The following XKR9 variants were observed in gnomAD, a reference collection of about 807,000 sequenced individuals.
XKR9 encodes the protein XK-related protein 9.
XKR9 carries 32 observed loss-of-function variants against 32.0 expected under a neutral mutation model. The ratio of observed to expected loss-of-function variants is 1.00; its 90% CI spans 0.76 to 1.34. The LOEUF (loss-of-function observed/expected upper bound fraction) is 1.34, where lower values mean the gene tolerates loss of function less well. XKR9 is among the 40% of genes most tolerant of loss of function. The probability of loss-of-function intolerance (pLI) is 0.00; values close to 1 mark genes in which losing one functional copy is unlikely to be tolerated. For missense variants in XKR9, 546 were observed against 429.7 expected (o/e 1.27, Z -2.39); for synonymous variants, 168 against 143.4 (o/e 1.17, Z -1.22).
At chr8:70,871,878 C>A in the XKR9 span, among the ~76,000 whole-genome samples, 93 of 152,322 alleles carry the variant, frequency 6.1e-4, no homozygotes, top group Non-Finnish European at 9.1e-4. Context: ...ATTGTGAATG[C>A]AAAGAAAGTT....
At chr8:70,705,954 C>T (rs1466582296) in intron 3 of XKR9, among the ~76,000 whole-genome samples, 3 of 151,974 alleles carry the variant, frequency 2.0e-5, no homozygotes, top group Non-Finnish European at 4.4e-5. Context: ...AAGAGCCAAG[C>T]GAACTTGCTG....
At chr8:71,034,236 C>A in the XKR9 span, among the ~76,000 whole-genome samples, 1 of 152,130 alleles carries the variant, frequency 6.6e-6, no homozygotes, top group African/African-American at 2.4e-5. Context: ...GTGGTCCCCC[C>A]ATGCTGTTCT....
At chr8:70,793,765 G>C (rs1807794363), downstream of XKR9, among the ~76,000 whole-genome samples, 1 of 151,534 alleles carries the variant, frequency 6.6e-6, no homozygotes, top group Admixed American at 6.6e-5. Flanking sequence ...CTTTGTAGTA[G>C]AATTTAAAAT....
the XKR9 span, among the ~76,000 whole-genome samples, chr8:70,960,664 A>G: frequency 6.6e-6 from 1 of 151,934 alleles, no homozygotes; most frequent in Non-Finnish European, 1.5e-5. Flanking sequence ...GATTGCTTGA[A>G]CCCAGGAGTT....
chr8:70,699,253 A>G (rs1050178120), intron 3 of XKR9, among the ~76,000 whole-genome samples: 1 of 152,130 alleles, frequency 6.6e-6, no homozygotes, highest in Admixed American at 6.6e-5. Flanking sequence ...TTTGCTCATT[A>G]GTTGATGCAG....
the XKR9 span, among the ~76,000 whole-genome samples, chr8:70,861,295 C>CCT: frequency 2.0e-5 from 3 of 152,028 alleles, no homozygotes; most frequent in Non-Finnish European, 4.4e-5. Context: ...AATTGCTTAC[C>CCT]CTCTCTGTGC....
rs978505741 is a variant in XKR9, at chr8:70,700,188, A to G, written c.273-6745A>G. 5.3e-5 allele frequency among the ~76,000 whole-genome samples: 8 copies of G among 152,314 alleles called. No homozygotes were observed. In the South Asian group the frequency reaches 1.4e-3, roughly 28 times the overall value. ...AAGCCTTCTTCTCTCAACTCGTCAA[A>G]GTCATTCTCTGTCCAGCTTTGTTCC... is the stretch of plus-strand genomic sequence containing the variant. On this transcript the variant is annotated intron_variant, in intron 3 of 4. Transcript: ENST00000408926.
chr8:70,940,681 T>G, the XKR9 span, among the ~76,000 whole-genome samples: 148 of 152,240 alleles, frequency 9.7e-4, no homozygotes, highest in South Asian at 0.012. Context: ...TAAAATATGA[T>G]TGTTGATTTG....
At chr8:70,882,882 G>A in the XKR9 span, among the ~76,000 whole-genome samples, 3 of 149,526 alleles carry the variant, frequency 2.0e-5, no homozygotes, top group Admixed American at 6.7e-5. Context: ...ACGCAGAATA[G>A]TTTTACTGTC....
intron 2 of XKR9, among the ~76,000 whole-genome samples, chr8:70,777,010 G>T (rs1420777143): frequency 2.7e-5 from 4 of 146,364 alleles, no homozygotes; most frequent in Non-Finnish European, 6.0e-5. Flanking sequence ...TAGAATGTGT[G>T]GGTTTGTTAC....
At chr8:70,796,376 T>C in the XKR9 span, among the ~76,000 whole-genome samples, 3 of 152,138 alleles carry the variant, frequency 2.0e-5, no homozygotes, top group African/African-American at 7.2e-5. Context: ...CAATTGTTCA[T>C]TGTTTTTCCT....
chr8:70,941,575 G>A, the XKR9 span, among the ~76,000 whole-genome samples: 1 of 152,102 alleles, frequency 6.6e-6, no homozygotes, highest in African/African-American at 2.4e-5. Context: ...ATTGGGAGGT[G>A]TGGCTAATTC....
the XKR9 span, among the ~76,000 whole-genome samples, chr8:70,847,828 A>C: frequency 6.6e-6 from 1 of 152,094 alleles, no homozygotes; most frequent in African/African-American, 2.4e-5. Flanking sequence ...ACCAGTAGTA[A>C]AAAGTCTTCC....
chr8:70,981,180 T>C, the XKR9 span, among the ~76,000 whole-genome samples: 1 of 152,230 alleles, frequency 6.6e-6, no homozygotes, highest in Non-Finnish European at 1.5e-5. Context: ...TTTGGATGTC[T>C]AGATGTCTAG....
At chr8:70,719,210 T>G (rs997853562) in intron 4 of XKR9, among the ~76,000 whole-genome samples, 1 of 152,194 alleles carries the variant, frequency 6.6e-6, no homozygotes, top group Non-Finnish European at 1.5e-5. Context: ...ATTAGCCCTT[T>G]GTCAGATGGA....
the XKR9 span, among the ~76,000 whole-genome samples, chr8:70,798,335 G>T: frequency 6.6e-5 from 10 of 152,148 alleles, no homozygotes; most frequent in East Asian, 1.4e-3. Context: ...TCATATGCTT[G>T]TTTGTCACAT....
At chr8:70,904,915 A>G in the XKR9 span, among the ~76,000 whole-genome samples, 1 of 152,158 alleles carries the variant, frequency 6.6e-6, no homozygotes, top group African/African-American at 2.4e-5. Flanking sequence ...TCTGGGTTGA[A>G]AATTGTTTTC....
intron 2 of XKR9, among the ~76,000 whole-genome samples, chr8:70,756,327 G>A (rs907104808): frequency 2.6e-5 from 4 of 152,170 alleles, no homozygotes; most frequent in East Asian, 1.9e-4. Context: ...TTCATTTTCA[G>A]CATTATTTTA....
In XKR9 at chr8:70,709,326, A is replaced by T. The variant is rs866060529; in HGVS notation, c.493+2173A>T. 7.9e-5 allele frequency among the ~76,000 whole-genome samples: 12 copies of T among 152,288 alleles called. No homozygotes were observed. In the South Asian group the frequency reaches 1.7e-3, roughly 21 times the overall value. ...TAAAATAATGGAACCATCTATGACA[A>T]ACCCACAGTCAACATCATACTGAGA... On this transcript the variant is annotated intron_variant, in intron 4 of 4. Transcript: ENST00000408926.
Sources: gnomAD v4.1 joint callset for allele counts (sites outside exome capture counted in the v4.1 genomes callset) on GRCh38, gnomAD v4.1.1 for gene constraint, MANE v1.5 for transcripts, NCBI Gene and HGNC (gene_info 2026-07-23, HGNC 2026-07-21) for gene names.